ADH7: variants seen among roughly 807,000 people sequenced by gnomAD.
ADH7 encodes the protein all-trans-retinol dehydrogenase [NAD(+)] ADH7.
A neutral mutation model predicts 34.4 loss-of-function variants in ADH7; 41 were observed. The observed-to-expected ratio is 1.19, with a 90% CI of 0.93 to 1.55. The LOEUF is 1.55. Ranked by LOEUF, ADH7 falls within the 40% of genes most tolerant of loss-of-function variation. The pLI is 0.00. For missense variants in ADH7, 540 were observed against 461.2 expected (o/e 1.17, Z -1.56); for synonymous variants, 180 against 160.9 (o/e 1.12, Z -0.90).
chr4:99,432,963 G>C (rs1206479319), intron 1 of ADH7, among the ~76,000 whole-genome samples: 1 of 152,136 alleles, frequency 6.6e-6, no homozygotes, highest in African/African-American at 2.4e-5. Context: ...ACAGGCACAA[G>C]CCACCATGCT....
rs1721851470 is a variant in ADH7, at chr4:99,428,009, C to T, written c.348-20G>A. 1 of 1,612,486 alleles carries T rather than the reference C, an allele frequency of 6.2e-7. No homozygotes were observed. Among genetic ancestry groups the T allele is most frequent in the Non-Finnish European group, 8.5e-7 (1 of 1,178,796 alleles). On this transcript the variant is annotated intron_variant, in intron 4 of 8. Coordinates refer to ENST00000437033, the MANE Select transcript of ADH7 (RefSeq NM_000673.7). ...GTAATACTGTTTGATACATCAAATA[C>T]ACGTATTAATTAATTCAATTCAAAA...
intron 7 of ADH7, among the ~76,000 whole-genome samples, chr4:99,417,443 G>A (rs1721545174): frequency 6.6e-6 from 1 of 152,014 alleles, no homozygotes; most frequent in Non-Finnish European, 1.5e-5. Flanking sequence ...TCTTATTTAT[G>A]TTTTTGCTCC....
At chr4:99,433,245 G>T (rs1352681802) in intron 1 of ADH7, among the ~76,000 whole-genome samples, 1 of 152,060 alleles carries the variant, frequency 6.6e-6, no homozygotes, top group Non-Finnish European at 1.5e-5. Context: ...AATAATAGAG[G>T]AATGATGAAA....
chr4:99,425,200 C>T (rs1440718943), intron 5 of ADH7, among the ~76,000 whole-genome samples: 3 of 151,790 alleles, frequency 2.0e-5, no homozygotes, highest in Admixed American at 6.6e-5. Context: ...ATCAAATTCA[C>T]ACATAACAAT....
intron 1 of ADH7, chr4:99,434,962 A>T (rs1722013664): frequency 7.5e-7 from 1 of 1,342,196 alleles, no homozygotes. Flanking sequence ...TAATGCCAAT[A>T]TAAATCAATT....
intron 5 of ADH7, among the ~76,000 whole-genome samples, chr4:99,423,750 TTG>T (rs1721728806): frequency 6.6e-6 from 1 of 152,182 alleles, no homozygotes; most frequent in Non-Finnish European, 1.5e-5. Context: ...GTAAATTTGT[TTG>T]AGTTCATTGT....
chr4:99,420,658 C>T lies in ADH7; in HGVS notation c.700G>A (p.Ala234Thr). ...LNKDKFEKAM[A>T]VGATECISPK... Reference sequence around the variant, plus strand: ...CTGATACACTCAGTGGCACCTACAGCCATGGCCTTCTCAAATTTGTCTTTG... The same window carrying T: ...CTGATACACTCAGTGGCACCTACAGTCATGGCCTTCTCAAATTTGTCTTTG... Residue 234 changes from alanine to threonine, a missense_variant, in exon 6 of 9, where the codon GCT becomes ACT. Coordinates refer to ENST00000437033, the MANE Select transcript of ADH7 (RefSeq NM_000673.7). 1 of 1,613,930 alleles carries T rather than the reference C, an allele frequency of 6.2e-7. No individual in the cohort carries two copies. The highest frequency in any genetic ancestry group is 1.1e-5 in the South Asian group (1 of 91,070).
At chr4:99,424,737 C>CTTTGCTGAAG (rs1463251946) in intron 5 of ADH7, among the ~76,000 whole-genome samples, 2 of 152,130 alleles carry the variant, frequency 1.3e-5, no homozygotes, top group Non-Finnish European at 2.9e-5. Context: ...TGTCCTGAGA[C>CTTTGCTGAAG]TTTGCTGAAG....
At chr4:99,423,859 C>T (rs1335827569) in intron 5 of ADH7, among the ~76,000 whole-genome samples, 1 of 152,068 alleles carries the variant, frequency 6.6e-6, no homozygotes, top group Non-Finnish European at 1.5e-5. Context: ...GTTTCTTTTG[C>T]TGTGCAGAAG....
At chr4:99,433,244 G>C (rs1409194401) in intron 1 of ADH7, among the ~76,000 whole-genome samples, 1 of 151,960 alleles carries the variant, frequency 6.6e-6, no homozygotes, top group African/African-American at 2.4e-5. Flanking sequence ...CAATAATAGA[G>C]GAATGATGAA....
chr4:99,427,403 C>T (rs1288681712), intron 5 of ADH7, among the ~76,000 whole-genome samples: 1 of 152,094 alleles, frequency 6.6e-6, no homozygotes, highest in Non-Finnish European at 1.5e-5. Context: ...TACAATAAAT[C>T]TTACTTAGCT....
intron 5 of ADH7, among the ~76,000 whole-genome samples, chr4:99,421,232 G>T (rs776449293): frequency 1.4e-4 from 21 of 152,138 alleles, no homozygotes; most frequent in Non-Finnish European, 2.8e-4. Flanking sequence ...GAGGCATCAT[G>T]CTACCAGCCT....
At chr4:99,422,071 C>T (rs886623115) in intron 5 of ADH7, among the ~76,000 whole-genome samples, 1 of 152,178 alleles carries the variant, frequency 6.6e-6, no homozygotes, top group Admixed American at 6.5e-5. Context: ...TAAATTAGTT[C>T]AACCATTGTG....
intron 5 of ADH7, among the ~76,000 whole-genome samples, chr4:99,421,328 G>A (rs1721657969): frequency 6.6e-6 from 1 of 152,080 alleles, no homozygotes; most frequent in Non-Finnish European, 1.5e-5. Flanking sequence ...ACAGAACAGA[G>A]GCCTCAGAAA....
chr4:99,422,826 T>C (rs1420092228), intron 5 of ADH7, among the ~76,000 whole-genome samples: 1 of 144,934 alleles, frequency 6.9e-6, no homozygotes, highest in African/African-American at 2.6e-5. Flanking sequence ...TCTAATAAAA[T>C]AGACCTATTT....
intron 7 of ADH7, among the ~76,000 whole-genome samples, chr4:99,418,609 A>T (rs888961051): frequency 2.0e-5 from 3 of 152,138 alleles, no homozygotes; most frequent in African/African-American, 7.2e-5. Context: ...CTTTGGGTCC[A>T]GGATTTTTGT....
Position 99,425,361 on chromosome 4 carries a change from G to A in ADH7, c.564+2412C>T, listed in dbSNP as rs1274606029. 2.0e-5 allele frequency among the ~76,000 whole-genome samples: 3 copies of A among 152,152 alleles called. No individual in the cohort carries two copies. The East Asian group carries it at 5.8e-4, about 29-fold the overall frequency. On this transcript the variant is annotated intron_variant, in intron 5 of 8. Coordinates refer to ENST00000437033, the MANE Select transcript of ADH7 (RefSeq NM_000673.7). ...ATAGGCTCAAAATAAAAGGATGGAG[G>A]AAGATCTACCAAGCAAATGGAAAAC... is the stretch of plus-strand genomic sequence containing the variant.
At chr4:99,430,722 G>A (rs912400275) in intron 1 of ADH7, among the ~76,000 whole-genome samples, 4 of 152,122 alleles carry the variant, frequency 2.6e-5, no homozygotes, top group African/African-American at 9.7e-5. Flanking sequence ...AGTGTAATAT[G>A]GCCCAATGTT....
At chr4:99,420,846 AC>A (rs1721640751) in intron 5 of ADH7, 53 bp from the exon 6 acceptor site, 1 of 1,568,634 alleles carries the variant, frequency 6.4e-7, no homozygotes, top group South Asian at 1.1e-5. Flanking sequence ...AAAAAGTGAA[AC>A]CTGAAAAGGG....
Sources: allele counts gnomAD v4.1 joint callset (sites outside exome capture counted in the v4.1 genomes callset), GRCh38; gene constraint gnomAD v4.1.1; transcripts MANE v1.5; gene names NCBI Gene and HGNC (gene_info 2026-07-23, HGNC 2026-07-21).